Variants in NARF observed in about 807,000 individuals in gnomAD.
NARF encodes the protein nuclear prelamin A recognition factor, also known as iron-only hydrogenase-like protein 2.
NARF carries 41 observed loss-of-function variants against 48.0 expected under a neutral mutation model. The observed-to-expected ratio is 0.85, with a 90% CI of 0.66 to 1.11. NARF has a LOEUF of 1.11. Among genes scored for constraint, NARF ranks in the 50% least tolerant of loss-of-function variants. NARF has a pLI of 0.00. For missense variants in NARF, 613 were observed against 590.2 expected (o/e 1.04, Z -0.40); for synonymous variants, 215 against 225.5 (o/e 0.95, Z 0.42).
chr17:82,481,199 G>A lies in NARF; in HGVS notation c.757G>A (p.Val253Met), dbSNP rs747350685. 8.7e-6 allele frequency: 14 copies of A among 1,613,866 alleles called. No homozygotes were observed. The highest frequency in any genetic ancestry group is 3.3e-5 in the Admixed American group (2 of 59,996). ...GCATGGCTCCCGGGGCGCTGACTGC[G>A]TGTTAACATCAGGTGAGAGGTGGGC... Reference protein sequence around the residue: ...ALHGSRGADCVLTSGEIAQIM... With the variant: ...ALHGSRGADCMLTSGEIAQIM... The change falls in exon 7 of 11, where the codon GTG (valine) becomes ATG (methionine). Residue 253 changes from valine (V) to methionine (M), a missense_variant. Val to Met is a conservative substitution (Grantham distance 21, BLOSUM62 1). Transcript: ENST00000309794.
chr17:82,471,447 A>G (rs1280402887), intron 4 of NARF, among the ~76,000 whole-genome samples: 1 of 137,386 alleles, frequency 7.3e-6, no homozygotes, highest in East Asian at 2.2e-4. Context: ...AGGGCGAGAC[A>G]CTGTCTCAAA....
At chr17:82,469,030 A>G (rs1483850619) in intron 4 of NARF, 134 bp downstream of exon 4, 10 of 991,070 alleles carry the variant, frequency 1.0e-5, no homozygotes, top group Non-Finnish European at 1.3e-5. Context: ...ACGTAAAAAG[A>G]CCATGTCCCG....
At chr17:82,472,352 C>T (rs2043729702) in intron 4 of NARF, among the ~76,000 whole-genome samples, 3 of 151,760 alleles carry the variant, frequency 2.0e-5, no homozygotes, top group South Asian at 4.2e-4. Context: ...GGCATGATGG[C>T]GGGCACCTGT....
intron 1 of NARF, 128 bp from the exon 2 acceptor site, chr17:82,459,864 C>A: frequency 1.4e-6 from 1 of 706,342 alleles, no homozygotes; most frequent in Non-Finnish European, 2.2e-6. Flanking sequence ...GAGACTCCGT[C>A]TAAAAAAATA....
chr17:82,476,440 C>T (rs1599841712), intron 5 of NARF, among the ~76,000 whole-genome samples: 2 of 151,630 alleles, frequency 1.3e-5, no homozygotes, highest in East Asian at 3.9e-4. Flanking sequence ...CTGTGCCCAG[C>T]TAACACTTTT....
intron 2 of NARF, chr17:82,460,317 T>C: frequency 3.2e-6 from 1 of 316,678 alleles, no homozygotes; most frequent in South Asian, 3.7e-5. Context: ...ATACAAAAAT[T>C]ATCCAGGTAT....
At chr17:82,480,076 G>A (rs940869232) in intron 6 of NARF, 4 of 183,396 alleles carry the variant, frequency 2.2e-5, no homozygotes, top group Non-Finnish European at 3.4e-5. Context: ...AACCAGGGGC[G>A]GGTTTCCTCT....
intron 7 of NARF, chr17:82,483,504 A>G: frequency 5.6e-6 from 3 of 536,968 alleles, no homozygotes; most frequent in Non-Finnish European, 6.7e-6. Flanking sequence ...AGAGGAATGG[A>G]AAGAGGAGTT....
At chr17:82,467,727 C>A (rs943431859) in intron 3 of NARF, among the ~76,000 whole-genome samples, 1 of 152,144 alleles carries the variant, frequency 6.6e-6, no homozygotes, top group African/African-American at 2.4e-5. Context: ...TGATCTTGAA[C>A]TCCTGACCTC....
At chr17:82,485,066 C>A in intron 9 of NARF, 116 bp downstream of exon 9, 1 of 1,295,706 alleles carries the variant, frequency 7.7e-7, no homozygotes, top group South Asian at 1.8e-5. Flanking sequence ...TAGTCAAAAT[C>A]AAAAGGACTT....
chr17:82,462,542 A>G (rs1261163022), intron 2 of NARF: 1 of 152,360 alleles, frequency 6.6e-6, no homozygotes, highest in East Asian at 1.9e-4. Flanking sequence ...AGAACAGAGG[A>G]CGTAGTGCAG....
intron 4 of NARF, among the ~76,000 whole-genome samples, chr17:82,472,100 G>C (rs1214969238): frequency 6.6e-6 from 1 of 152,162 alleles, no homozygotes; most frequent in Non-Finnish European, 1.5e-5. Flanking sequence ...TAAGAACCAA[G>C]ACTGATTTTA....
At chr17:82,463,438 T>A (rs1369694589) in intron 2 of NARF, 1 of 151,718 alleles carries the variant, frequency 6.6e-6, no homozygotes, top group Non-Finnish European at 1.5e-5. Flanking sequence ...AAGAGACGGG[T>A]GAGGGGGTGG....
chr17:82,487,788 C>CCAAAGATA, intron 10 of NARF, 128 bp from the exon 11 acceptor site: 2 of 759,778 alleles, frequency 2.6e-6, no homozygotes, highest in Non-Finnish European at 4.1e-6. Context: ...CCCTCCCGCC[C>CCAAAGATA]AATCTCTACA....
chr17:82,471,791 C>CAAAAAAAAAAAAAAAAAAA (rs58302009), intron 4 of NARF, among the ~76,000 whole-genome samples: 7 of 64,588 alleles, frequency 1.1e-4, no homozygotes, highest in East Asian at 1.1e-3. Context: ...GACTCCGTCT[C>CAAAAAAAAAAAAAAAAAAA]AAAAAAAAAA....
rs893402731 is a variant in NARF, at chr17:82,472,574, T to G, written c.396T>G (p.Tyr132Ter). The change falls in exon 5 of 11, where the codon TAT becomes TAG. Residue 132 changes from tyrosine (Y) to a stop codon, truncating the protein, a stop_gained. Transcript: ENST00000309794. LOFTEE classifies it high-confidence loss of function. ...CGFLKSLGVHYVFDTTIAADF... is the reference protein window; with the variant it reads ...CGFLKSLGVH ...TCCTCTCTCCTGCAGGGGTGCACTA[T>G]GTATTTGATACGACGATAGCTGCGG... The G allele has an allele frequency of 1.2e-6, 2 of 1,613,014 alleles. No homozygotes were observed. The highest frequency in any genetic ancestry group is 1.7e-6 in the Non-Finnish European group (2 of 1,179,552).
chr17:82,483,582 A>T (rs1228873329), intron 7 of NARF, 134 bp from the exon 8 acceptor site: 4 of 726,484 alleles, frequency 5.5e-6, no homozygotes, highest in Non-Finnish European at 7.2e-6. Flanking sequence ...CTTTAGATGG[A>T]CTCCTGCTGT....
Position 82,458,788 on chromosome 17 carries a change from G to C in NARF, c.-16G>C. 2 of 1,462,582 alleles carry C rather than the reference G, an allele frequency of 1.4e-6. No homozygotes were observed. Among genetic ancestry groups the C allele is most frequent in the Non-Finnish European group, 1.8e-6 (2 of 1,114,718 alleles). The allele number at this position is 1,462,582 out of a possible 1,614,324, so 90.6% of individuals were successfully genotyped here. On this transcript the variant is annotated 5_prime_UTR_variant, in exon 1 of 11. Coordinates refer to ENST00000309794, the MANE Select transcript of NARF (RefSeq NM_012336.4). ...CTGAGGCTGAGGCGCCCGGCCTCCC[G>C]CCCGCCGCGCTCCAGATGAAGTGTG...
intron 3 of NARF, among the ~76,000 whole-genome samples, chr17:82,465,608 C>G (rs772325701): frequency 6.6e-6 from 1 of 152,168 alleles, no homozygotes; most frequent in Non-Finnish European, 1.5e-5. Context: ...CAGGGCCTCA[C>G]CCAGGCTGGA....
Sources: gnomAD v4.1 joint callset for allele counts (sites outside exome capture counted in the v4.1 genomes callset) on GRCh38, gnomAD v4.1.1 for gene constraint, MANE v1.5 for transcripts, NCBI Gene and HGNC (gene_info 2026-07-23, HGNC 2026-07-21) for gene names.